MSRB3: variants seen among roughly 807,000 people sequenced by gnomAD.
MSRB3 encodes methionine sulfoxide reductase B3.
Under a neutral mutation model 21.0 loss-of-function variants are expected in MSRB3, and 13 were observed. The ratio of observed to expected loss-of-function variants is 0.62; its 90% CI spans 0.40 to 0.98. The LOEUF is 0.98. Among genes scored for constraint, MSRB3 ranks in the 50% least tolerant of loss-of-function variants. The probability of loss-of-function intolerance (pLI) is 0.00; values close to 1 mark genes in which losing one functional copy is unlikely to be tolerated. For missense variants in MSRB3, 199 were observed against 230.3 expected, an observed-to-expected ratio of 0.86 and a Z score of 0.88; for synonymous variants, 87 against 88.6, an observed-to-expected ratio of 0.98 and a Z score of 0.10.
intron 4 of MSRB3, among the ~76,000 whole-genome samples, chr12:65,363,355 A>G (rs972026526): frequency 2.0e-5 from 3 of 152,202 alleles, no homozygotes; most frequent in Non-Finnish European, 4.4e-5. Flanking sequence ...ACACTGGGCT[A>G]TTCTCTGCAA....
intron 4 of MSRB3, among the ~76,000 whole-genome samples, chr12:65,342,387 A>C (rs1876203683): frequency 6.6e-6 from 1 of 151,906 alleles, no homozygotes; most frequent in African/African-American, 2.4e-5. Flanking sequence ...CTTAGGAAAA[A>C]ATCTTTCACC....
intron 1 of MSRB3, among the ~76,000 whole-genome samples, chr12:65,294,648 C>T (rs941392212): frequency 6.6e-6 from 1 of 152,120 alleles, no homozygotes; most frequent in Non-Finnish European, 1.5e-5. Flanking sequence ...CCTTCTAGGC[C>T]ATTTTTTTGT....
intron 4 of MSRB3, among the ~76,000 whole-genome samples, chr12:65,328,976 G>T (rs929552407): frequency 2.0e-5 from 3 of 152,150 alleles, no homozygotes; most frequent in African/African-American, 7.2e-5. Flanking sequence ...AGTTCTTCAT[G>T]TATATACTTC....
intron 4 of MSRB3, among the ~76,000 whole-genome samples, chr12:65,350,991 C>T (rs1275013000): frequency 1.3e-5 from 2 of 150,222 alleles, no homozygotes; most frequent in African/African-American, 2.5e-5. Context: ...CTCTCCACCC[C>T]AAATCAACAG....
chr12:65,298,088 T>G (rs945589912), intron 1 of MSRB3, among the ~76,000 whole-genome samples: 1 of 152,056 alleles, frequency 6.6e-6, no homozygotes, highest in African/African-American at 2.4e-5. Context: ...ACTGCAGCCT[T>G]GATCTCCTGG....
chr12:65,303,516 C>A (rs1319738133), intron 1 of MSRB3, among the ~76,000 whole-genome samples: 1 of 152,044 alleles, frequency 6.6e-6, no homozygotes, highest in East Asian at 1.9e-4. Context: ...AAATTATTAC[C>A]TTTAAGCATT....
chr12:65,362,143 G>A (rs1235890323), intron 4 of MSRB3, among the ~76,000 whole-genome samples: 4 of 152,120 alleles, frequency 2.6e-5, no homozygotes, highest in Non-Finnish European at 4.4e-5. Flanking sequence ...GGCAGGTTTG[G>A]AATAGAAATG....
intron 5 of MSRB3, among the ~76,000 whole-genome samples, chr12:65,446,756 T>C (rs1882637359): frequency 1.3e-5 from 2 of 152,126 alleles, no homozygotes; most frequent in Non-Finnish European, 2.9e-5. Context: ...TGGAAATGCA[T>C]TAATGGGTGT....
intron 5 of MSRB3, among the ~76,000 whole-genome samples, chr12:65,420,369 A>G (rs755331607): frequency 1.2e-4 from 18 of 150,956 alleles, no homozygotes; most frequent in Non-Finnish European, 2.5e-4. Flanking sequence ...GTCTGGCTAT[A>G]TGGGAGTCAC....
intron 5 of MSRB3, among the ~76,000 whole-genome samples, chr12:65,412,538 G>T (rs926999178): frequency 6.6e-6 from 1 of 152,116 alleles, no homozygotes; most frequent in African/African-American, 2.4e-5. Flanking sequence ...CTAGCTCTGT[G>T]TAATTACATT....
At chr12:65,410,335 T>C (rs1880647982) in intron 5 of MSRB3, among the ~76,000 whole-genome samples, 2 of 152,166 alleles carry the variant, frequency 1.3e-5, no homozygotes, top group African/African-American at 2.4e-5. Flanking sequence ...GTTAGGGAAA[T>C]GGTTAGGAGC....
At chr12:65,448,036 A>G (rs1259776611) in intron 5 of MSRB3, among the ~76,000 whole-genome samples, 1 of 152,184 alleles carries the variant, frequency 6.6e-6, no homozygotes, top group African/African-American at 2.4e-5. Context: ...TTGTTGCAGT[A>G]AGGATTTGGC....
At chr12:65,297,062 CT>C (rs1267469883) in intron 1 of MSRB3, among the ~76,000 whole-genome samples, 1 of 152,098 alleles carries the variant, frequency 6.6e-6, no homozygotes, top group African/African-American at 2.4e-5. Context: ...AGATTATGTC[CT>C]TTGCAGGGAC....
At chr12:65,336,609 G>A (rs1875778739) in intron 4 of MSRB3, among the ~76,000 whole-genome samples, 1 of 152,048 alleles carries the variant, frequency 6.6e-6, no homozygotes, top group Non-Finnish European at 1.5e-5. Flanking sequence ...AACATAATAG[G>A]GAAAACTTTT....
intron 5 of MSRB3, among the ~76,000 whole-genome samples, chr12:65,388,612 T>C (rs1423852590): frequency 6.6e-6 from 1 of 152,222 alleles, no homozygotes; most frequent in Non-Finnish European, 1.5e-5. Context: ...GCCTCATGCC[T>C]GTAATCCTAG....
intron 5 of MSRB3, among the ~76,000 whole-genome samples, chr12:65,407,243 G>T (rs544092113): frequency 4.6e-5 from 7 of 151,330 alleles, no homozygotes; most frequent in Non-Finnish European, 7.4e-5. Flanking sequence ...TTGAAAAACC[G>T]CAATTTTTTT....
intron 5 of MSRB3, among the ~76,000 whole-genome samples, chr12:65,452,118 G>T (rs555821871): frequency 1.3e-5 from 2 of 152,270 alleles, no homozygotes; most frequent in South Asian, 4.2e-4. Context: ...ACTATGTGGT[G>T]CTGGGGTAAG....
chr12:65,290,048 A>T lies in MSRB3; in HGVS notation c.-52+11183A>T, dbSNP rs866195307. Among the ~76,000 whole-genome samples, 12 of 152,218 alleles carry T rather than the reference A, an allele frequency of 7.9e-5. No individual in the cohort carries two copies. The South Asian group carries it at 2.5e-3, about 32-fold the overall frequency. On this transcript the variant is annotated intron_variant, in intron 1 of 6. Transcript: ENST00000308259. ...ATTTATTTATGCTCCTTGGACATTTATCCATTAGGATTCTTGTGTTTTCCT... is the reference window on the plus strand; with the variant it reads ...ATTTATTTATGCTCCTTGGACATTTTTCCATTAGGATTCTTGTGTTTTCCT...
At chr12:65,384,200 A>G (rs1203653235) in intron 5 of MSRB3, among the ~76,000 whole-genome samples, 1 of 152,176 alleles carries the variant, frequency 6.6e-6, no homozygotes, top group Non-Finnish European at 1.5e-5. Context: ...ATTGATAGGA[A>G]CTGCCTTTTC....
Sources: gnomAD v4.1 joint callset for allele counts (sites outside exome capture counted in the v4.1 genomes callset) on GRCh38, gnomAD v4.1.1 for gene constraint, MANE v1.5 for transcripts, NCBI Gene and HGNC (gene_info 2026-07-23, HGNC 2026-07-21) for gene names.